Variants in NELL1 observed in about 807,000 individuals in gnomAD.
NELL1 encodes the protein protein kinase C-binding protein NELL1.
In NELL1, 76 loss-of-function variants were observed where a neutral mutation model predicts 107.4. That is an observed-to-expected ratio of 0.71 (90% CI 0.59 to 0.86). The LOEUF (loss-of-function observed/expected upper bound fraction) is 0.86, where lower values mean the gene tolerates loss of function less well. Among genes scored for constraint, NELL1 ranks in the 40% least tolerant of loss-of-function variants. The pLI is 0.00. For missense variants in NELL1, 1,024 were observed against 1,005.5 expected, an observed-to-expected ratio of 1.02 and a Z score of -0.25; for synonymous variants, 353 against 341.2, an observed-to-expected ratio of 1.03 and a Z score of -0.38.
At chr11:21,036,186 A>G (rs1055293367) in intron 12 of NELL1, among the ~76,000 whole-genome samples, 7 of 152,198 alleles carry the variant, frequency 4.6e-5, no homozygotes, top group Non-Finnish European at 7.4e-5. Flanking sequence ...CAGGGAGGTG[A>G]AAGATCTCTA....
intron 14 of NELL1, among the ~76,000 whole-genome samples, chr11:21,333,683 T>C (rs1434987684): frequency 6.6e-6 from 1 of 152,026 alleles, no homozygotes; most frequent in Non-Finnish European, 1.5e-5. Flanking sequence ...CACTAAAGCA[T>C]TGAAGCATTT....
intron 13 of NELL1, among the ~76,000 whole-genome samples, chr11:21,200,618 G>A (rs944816056): frequency 6.6e-6 from 1 of 152,146 alleles, no homozygotes; most frequent in Admixed American, 6.5e-5. Flanking sequence ...CTTTTGCTGT[G>A]CAGAAGCAAT....
chr11:21,165,113 C>T (rs1856452131), intron 13 of NELL1, among the ~76,000 whole-genome samples: 1 of 152,140 alleles, frequency 6.6e-6, no homozygotes, highest in African/African-American at 2.4e-5. Flanking sequence ...GAAAGTTTTA[C>T]AGTATTTCCC....
intron 12 of NELL1, among the ~76,000 whole-genome samples, chr11:21,075,076 C>T (rs1854103237): frequency 6.6e-6 from 1 of 152,092 alleles, no homozygotes; most frequent in South Asian, 2.1e-4. Context: ...CTGTGTAGGG[C>T]TCATTTTTAT....
chr11:20,936,941 T>A (rs1292438143), intron 9 of NELL1, among the ~76,000 whole-genome samples: 5 of 152,122 alleles, frequency 3.3e-5, no homozygotes, highest in Non-Finnish European at 7.3e-5. Flanking sequence ...TTGCTTCTGT[T>A]CCTCCTAGAG....
intron 12 of NELL1, among the ~76,000 whole-genome samples, chr11:21,012,205 C>T (rs17298656): frequency 0.022 from 3,349 of 152,240 alleles, 58 homozygotes; most frequent in Non-Finnish European, 0.035. Flanking sequence ...CCAGAATGCT[C>T]TGTTTTTTAC....
chr11:21,382,182 C>T (rs1851630767), intron 15 of NELL1, among the ~76,000 whole-genome samples: 1 of 151,806 alleles, frequency 6.6e-6, no homozygotes, highest in Non-Finnish European at 1.5e-5. Flanking sequence ...GATTCCACTA[C>T]TCATCAGCAA....
intron 2 of NELL1, among the ~76,000 whole-genome samples, chr11:20,690,039 A>T (rs1190138765): frequency 1.3e-5 from 2 of 152,162 alleles, no homozygotes; most frequent in Non-Finnish European, 2.9e-5. Context: ...ATGGCCAGTG[A>T]TGATGAGCAT....
intron 12 of NELL1, among the ~76,000 whole-genome samples, chr11:20,972,071 C>A (rs1851513300): frequency 6.6e-6 from 1 of 152,080 alleles, no homozygotes; most frequent in South Asian, 2.1e-4. Context: ...AGGACAAATA[C>A]CTAATGCATG....
intron 14 of NELL1, among the ~76,000 whole-genome samples, chr11:21,261,119 G>A (rs926334612): frequency 6.6e-6 from 1 of 151,454 alleles, no homozygotes; most frequent in Non-Finnish European, 1.5e-5. Context: ...TAGTCTGCTG[G>A]TTCCTCGACA....
At chr11:21,083,927 A>G (rs1854328478) in intron 12 of NELL1, among the ~76,000 whole-genome samples, 1 of 152,166 alleles carries the variant, frequency 6.6e-6, no homozygotes, top group Admixed American at 6.5e-5. Flanking sequence ...TTGTAATCGT[A>G]TTTTGGGATT....
intron 15 of NELL1, among the ~76,000 whole-genome samples, chr11:21,443,298 C>T (rs766994676): frequency 1.1e-4 from 16 of 152,120 alleles, no homozygotes; most frequent in Non-Finnish European, 1.5e-4. Context: ...ATGACCTAGT[C>T]AACTCTTGAA....
At chr11:20,832,861 C>A (rs1858041963) in intron 3 of NELL1, among the ~76,000 whole-genome samples, 1 of 152,142 alleles carries the variant, frequency 6.6e-6, no homozygotes, top group Admixed American at 6.5e-5. Context: ...TTTCCTACAA[C>A]CCCCACTCTC....
chr11:21,419,019 A>G lies in NELL1; in HGVS notation c.1645+48071A>G, dbSNP rs1852590855. Among the ~76,000 whole-genome samples the G allele has an allele frequency of 2.0e-5, 3 of 152,124 alleles. No homozygotes were observed. The South Asian group carries it at 6.2e-4, about 32-fold the overall frequency. On this transcript the variant is annotated intron_variant, in intron 15 of 19. Coordinates refer to ENST00000357134, the MANE Select transcript of NELL1 (RefSeq NM_006157.5). ...ACAAGAGCAGAGAGGGAGGGTCTCT[A>G]CGCTCACCCACTTCTGCCACCCCCT...
intron 14 of NELL1, among the ~76,000 whole-genome samples, chr11:21,290,193 C>T (rs1849219213): frequency 6.6e-6 from 1 of 151,892 alleles, no homozygotes; most frequent in Admixed American, 6.6e-5. Context: ...CACGGTGAAA[C>T]CCCGTCTCTA....
At chr11:21,310,312 T>C (rs1849723243) in intron 14 of NELL1, among the ~76,000 whole-genome samples, 2 of 152,226 alleles carry the variant, frequency 1.3e-5, no homozygotes, top group African/African-American at 4.8e-5. Flanking sequence ...TATCCAGACA[T>C]GCTGATAATT....
rs1330066309 is a variant in NELL1, at chr11:20,853,054, A to G, written c.506+5301A>G. Among the ~76,000 whole-genome samples the G allele has an allele frequency of 4.6e-5, 7 of 152,210 alleles. No homozygotes were observed. The South Asian group carries it at 1.5e-3, about 32-fold the overall frequency. ...TAGGTGAAAATGCATGACAATCTCT[A>G]CAGCTTTATAGTTTCACCATTATGT... is the stretch of plus-strand genomic sequence containing the variant. On this transcript the variant is annotated intron_variant, in intron 4 of 19. Coordinates refer to ENST00000357134, the MANE Select transcript of NELL1 (RefSeq NM_006157.5).
chr11:20,789,672 A>T (rs1385480772), intron 3 of NELL1, among the ~76,000 whole-genome samples: 6 of 152,224 alleles, frequency 3.9e-5, no homozygotes, highest in African/African-American at 1.4e-4. Context: ...TACACAGACA[A>T]GTGGAGAGTG....
chr11:21,451,325 CAT>C (rs1311719177), intron 15 of NELL1, among the ~76,000 whole-genome samples: 2 of 151,968 alleles, frequency 1.3e-5, no homozygotes, highest in African/African-American at 2.4e-5. Flanking sequence ...TTTTGAATAA[CAT>C]AGCAGGGCTG....
Sources: gnomAD v4.1 joint callset for allele counts (sites outside exome capture counted in the v4.1 genomes callset) on GRCh38, gnomAD v4.1.1 for gene constraint, MANE v1.5 for transcripts, NCBI Gene and HGNC (gene_info 2026-07-23, HGNC 2026-07-21) for gene names.